SLC3A1: variants seen among roughly 807,000 people sequenced by gnomAD.
SLC3A1 encodes solute carrier family 3 member 1.
Under a neutral mutation model 60.3 loss-of-function variants are expected in SLC3A1, and 78 were observed. The ratio of observed to expected loss-of-function variants is 1.29; its 90% CI spans 1.08 to 1.56. The LOEUF is 1.56. Ranked by LOEUF, SLC3A1 falls within the 40% of genes most tolerant of loss-of-function variation. The pLI, the probability that SLC3A1 is intolerant of heterozygous loss-of-function variation, is 0.00. For missense variants in SLC3A1, 1,172 were observed against 858.9 expected (o/e 1.36, Z -4.56); for synonymous variants, 392 against 307.9 (o/e 1.27, Z -2.86).
chr2:44,283,115 C>T (rs1423324668), intron 3 of SLC3A1, among the ~76,000 whole-genome samples: 1 of 152,186 alleles, frequency 6.6e-6, no homozygotes, highest in Non-Finnish European at 1.5e-5. Flanking sequence ...TGGATCATCC[C>T]TCCCTCCTCC....
intron 9 of SLC3A1, chr2:44,314,607 C>CAT (rs1365693732): frequency 6.4e-6 from 1 of 156,092 alleles, no homozygotes; most frequent in African/African-American, 2.4e-5. Context: ...CACACACACA[C>CAT]ACCATGCCCA....
intron 4 of SLC3A1, 95 bp from the exon 5 acceptor site, chr2:44,299,876 T>C (rs767925023): frequency 1.6e-6 from 2 of 1,284,282 alleles, no homozygotes; most frequent in South Asian, 2.4e-5. Context: ...GATATCTGTT[T>C]TATGATGCCA....
At position 44,305,808 on chromosome 2, in the gene SLC3A1, C is replaced by G. The variant is rs149126382; in HGVS notation, c.1332+1470C>G. Among the ~76,000 whole-genome samples, 501 of 152,268 alleles carry G rather than the reference C, an allele frequency of 3.3e-3. 3 individuals carry two copies. Among genetic ancestry groups the G allele is most frequent in the African/African-American group, 0.012 (490 of 41,564 alleles). ...GATAATCCTCCATCTCTCTGTATCT[C>G]TACCACCTTAGACTGTTTCTGTGGT... On this transcript the variant is annotated intron_variant, in intron 7 of 9. Transcript: ENST00000260649.
chr2:44,312,190 A>G (rs904308652), intron 7 of SLC3A1, among the ~76,000 whole-genome samples: 1 of 152,192 alleles, frequency 6.6e-6, no homozygotes, highest in African/African-American at 2.4e-5. Context: ...TCATAAGTCA[A>G]AACAATTTTT....
chr2:44,288,884 G>A (rs369527231), intron 4 of SLC3A1, among the ~76,000 whole-genome samples: 1 of 151,982 alleles, frequency 6.6e-6, no homozygotes, highest in Non-Finnish European at 1.5e-5. Flanking sequence ...ACCCAGGCTG[G>A]AGTGCAGTGG....
intron 7 of SLC3A1, among the ~76,000 whole-genome samples, chr2:44,308,053 G>C (rs1672201705): frequency 1.3e-5 from 2 of 152,132 alleles, no homozygotes; most frequent in South Asian, 4.1e-4. Flanking sequence ...GGTGGGAGTT[G>C]AGCCCAGGAG....
In SLC3A1 at chr2:44,281,523, C is replaced by A. The variant is rs895475275; in HGVS notation, c.747C>A (p.Thr249=). The A allele has an allele frequency of 1.2e-6, 2 of 1,613,954 alleles. No homozygotes were observed. Among genetic ancestry groups the A allele is most frequent in the Non-Finnish European group, 1.7e-6 (2 of 1,179,988 alleles). The change falls in exon 3 of 10, where the codon ACC becomes ACA. Residue 249 remains threonine (T), a synonymous_variant. Coordinates refer to ENST00000260649, the MANE Select transcript of SLC3A1 (RefSeq NM_000341.4). ...WHDCTHENGK[T]IPPNNWLSVY... ...ACTGTACCCATGAAAATGGCAAAAC[C>A]ATTCCACCCAACAACTGGGTAAGTA...
At chr2:44,294,190 CAG>C (rs1156722290) in intron 4 of SLC3A1, among the ~76,000 whole-genome samples, 1 of 151,890 alleles carries the variant, frequency 6.6e-6, no homozygotes, top group Non-Finnish European at 1.5e-5. Context: ...TCAAATGATG[CAG>C]AGAGATTGGG....
chr2:44,309,064 A>C (rs1024407640), intron 7 of SLC3A1, among the ~76,000 whole-genome samples: 3 of 152,174 alleles, frequency 2.0e-5, no homozygotes, highest in Non-Finnish European at 2.9e-5. Context: ...AAATTATTGC[A>C]AAATATACAT....
chr2:44,296,449 G>C (rs1671845795), intron 4 of SLC3A1, among the ~76,000 whole-genome samples: 1 of 152,202 alleles, frequency 6.6e-6, no homozygotes, highest in Non-Finnish European at 1.5e-5. Flanking sequence ...AAAGGCACTA[G>C]TAAGAACAAA....
chr2:44,302,926 C>T lies in SLC3A1; in HGVS notation c.1137-1217C>T, dbSNP rs529463996. ...TAGAAAGAAAAGAACAGGCTTGGTG[C>T]GGTGGCTCATGCCTGTAATCCCAAT... On this transcript the variant is annotated intron_variant, in intron 6 of 9. Transcript: ENST00000260649. Among the ~76,000 whole-genome samples, 26 of 152,218 alleles carry T rather than the reference C, an allele frequency of 1.7e-4. No individual in the cohort carries two copies. In the South Asian group the frequency reaches 4.8e-3, roughly 28 times the overall value.
In SLC3A1 at chr2:44,295,683, G is replaced by A. The variant is rs75023238; in HGVS notation, c.892-4288G>A. 4.9e-3 allele frequency among the ~76,000 whole-genome samples: 750 copies of A among 152,292 alleles called. 1 individual carries two copies. The highest frequency in any genetic ancestry group is 0.034 in the Middle Eastern group (10 of 294). On this transcript the variant is annotated intron_variant, in intron 4 of 9. Coordinates refer to ENST00000260649, the MANE Select transcript of SLC3A1 (RefSeq NM_000341.4). ...CTTCTGTGCGGTACAAGTTTCTCAT[G>A]TTTAATGTCAGGTCAACATTTCACA...
chr2:44,311,294 T>G (rs1672289600), intron 7 of SLC3A1, among the ~76,000 whole-genome samples: 1 of 152,214 alleles, frequency 6.6e-6, no homozygotes, highest in African/African-American at 2.4e-5. Context: ...TACTTTAAAT[T>G]CTTCAGGCAC....
At chr2:44,282,951 C>T (rs1480664157) in intron 3 of SLC3A1, among the ~76,000 whole-genome samples, 1 of 152,142 alleles carries the variant, frequency 6.6e-6, no homozygotes. Flanking sequence ...AGCCACTGTG[C>T]CCGGCCACAT....
rs200248046 is a variant in SLC3A1 at position 44,299,998 on chromosome 2, G to C, written c.919G>C (p.Gly307Arg). The change falls in exon 5 of 10, where the codon GGT becomes CGT. Residue 307 changes from glycine (G) to arginine (R), a missense_variant. Transcript: ENST00000260649. ...AATTTTACGGTTCTGGCTCACAAAG[G>C]GTGTTGATGGTTTTAGTTTGGATGC... ...KEILRFWLTKGVDGFSLDAVK... is the reference protein window; with the variant it reads ...KEILRFWLTKRVDGFSLDAVK... 34 of 1,613,904 alleles carry C rather than the reference G, an allele frequency of 2.1e-5. No homozygotes were observed. Among genetic ancestry groups the C allele is most frequent in the African/African-American group, 2.7e-5 (2 of 74,914 alleles).
chr2:44,313,983 T>C (rs752726290), intron 9 of SLC3A1, 32 bp downstream of exon 9: 1 of 1,613,626 alleles, frequency 6.2e-7, no homozygotes, highest in Non-Finnish European at 8.5e-7. Context: ...ATGTTGATTC[T>C]AGAAACAAAG....
chr2:44,301,064 A>G lies in SLC3A1; in HGVS notation c.1073A>G (p.His358Arg). The G allele has an allele frequency of 6.2e-7, 1 of 1,614,166 alleles. No individual in the cohort carries two copies. The highest frequency in any genetic ancestry group is 1.3e-5 in the African/African-American group (1 of 75,038). Reference protein sequence around the residue: ...HDFTTTQVGMHDIVRSFRQTM... With the variant: ...HDFTTTQVGMRDIVRSFRQTM... ...TTCACCACCACGCAGGTGGGAATGC[A>G]CGACATTGTCCGCAGCTTCCGGCAG... Residue 358 changes from histidine to arginine, a missense_variant, in exon 6 of 10, where the codon CAC becomes CGC. Transcript: ENST00000260649.
intron 1 of SLC3A1, among the ~76,000 whole-genome samples, chr2:44,276,280 A>T (rs377411364): frequency 4.6e-5 from 7 of 152,138 alleles, no homozygotes; most frequent in African/African-American, 1.4e-4. Context: ...TCTAAAATCT[A>T]TGTCCTGTTT....
intron 4 of SLC3A1, among the ~76,000 whole-genome samples, chr2:44,289,058 C>T (rs1671680035): frequency 6.6e-6 from 1 of 151,922 alleles, no homozygotes. Context: ...TGGTCTCGAG[C>T]TCCTGGTCTC....
Sources: allele counts gnomAD v4.1 joint callset (sites outside exome capture counted in the v4.1 genomes callset), GRCh38; gene constraint gnomAD v4.1.1; transcripts MANE v1.5; gene names NCBI Gene and HGNC (gene_info 2026-07-23, HGNC 2026-07-21).